The following PIP5K1C variants were observed in gnomAD, a reference collection of about 807,000 sequenced individuals.
The protein encoded by PIP5K1C is phosphatidylinositol-4-phosphate 5-kinase type 1 gamma, also known as phosphatidylinositol 4-phosphate 5-kinase type-1 gamma.
Under a neutral mutation model 80.1 loss-of-function variants are expected in PIP5K1C, and 45 were observed. The ratio of observed to expected loss-of-function variants is 0.56; its 90% CI spans 0.44 to 0.72. The LOEUF (loss-of-function observed/expected upper bound fraction) is 0.72. Ranked by LOEUF, PIP5K1C falls within the 30% of genes least tolerant of loss-of-function variation. The probability of loss-of-function intolerance (pLI) is 0.00; values close to 1 mark genes in which losing one functional copy is unlikely to be tolerated. For missense variants in PIP5K1C, 753 were observed against 954.6 expected (o/e 0.79, Z 2.78); for synonymous variants, 498 against 420.1 (o/e 1.19, Z -2.27).
Position 3,697,228 on chromosome 19 carries a change from G to GGAGGACC in PIP5K1C, c.94+3062_94+3068dup, listed in dbSNP as rs564130241. Among the ~76,000 whole-genome samples the GGAGGACC allele has an allele frequency of 3.9e-5, 6 of 151,968 alleles. No individual in the cohort carries two copies. In the South Asian group the frequency reaches 1.3e-3, roughly 32 times the overall value. ...ATGGAGGAGGACTAAGCTGGACCGG[G>GGAGGACC]GAGGACCGAGCTGGACCCGGGAGGA... On this transcript the variant is annotated intron_variant, in intron 1 of 17. Transcript: ENST00000335312.
At chr19:3,672,940 TGAAGCTGGGGACTGG>T (rs1331941684) in intron 1 of PIP5K1C, among the ~76,000 whole-genome samples, 2 of 66,118 alleles carry the variant, frequency 3.0e-5, no homozygotes, top group Non-Finnish European at 2.8e-5. Context: ...CCCAGGATGA[TGAAGCTGGGGACTGG>T]GGGGCTGGGG....
chr19:3,700,379 C>T lies in PIP5K1C; in HGVS notation c.12G>A (p.Glu4=). 1 of 1,211,494 alleles carries T rather than the reference C, an allele frequency of 8.3e-7. No homozygotes were observed. The highest frequency in any genetic ancestry group is 1.0e-6 in the Non-Finnish European group (1 of 959,854). 75.0% of individuals were successfully genotyped at this position (1,211,494 alleles called of 1,614,324 possible). ...CAGCGCTCTCCGCCTCGTCCGGTACCTCCAGCTCCATGGCCGCGCGCGGAC... is the reference window on the plus strand; with the variant it reads ...CAGCGCTCTCCGCCTCGTCCGGTACTTCCAGCTCCATGGCCGCGCGCGGAC... MEL[E]VPDEAESAEA... Residue 4 remains glutamate, a synonymous_variant, in exon 1 of 18, where the codon GAG becomes GAA. Coordinates refer to ENST00000335312, the MANE Select transcript of PIP5K1C (RefSeq NM_012398.3).
At chr19:3,650,429 C>G (rs11668596) in intron 8 of PIP5K1C, among the ~76,000 whole-genome samples, 2 of 152,336 alleles carry the variant, frequency 1.3e-5, no homozygotes, top group East Asian at 3.9e-4. Context: ...CACTGCTATA[C>G]GACACCTGTC....
intron 3 of PIP5K1C, among the ~76,000 whole-genome samples, chr19:3,663,245 G>A (rs1382330324): frequency 6.6e-6 from 1 of 152,188 alleles, no homozygotes; most frequent in Non-Finnish European, 1.5e-5. Flanking sequence ...TTTAGCCCTG[G>A]GAAGCCGGCT....
Position 3,653,651 on chromosome 19 carries a change from A to C in PIP5K1C, c.622-62T>G, listed in dbSNP as rs1599971969. On this transcript the variant is annotated intron_variant, in intron 6 of 17. Coordinates refer to ENST00000335312, the MANE Select transcript of PIP5K1C (RefSeq NM_012398.3). ...GGGCCACAGACTCACGGGGGCGGGC[A>C]AAGCAGGCCTCTGCCTCAGGGGGCT... The C allele has an allele frequency of 2.0e-6, 3 of 1,485,610 alleles. 1 individual carries two copies. The East Asian group carries it at 6.9e-5, about 34-fold the overall frequency. The allele number at this position is 1,485,610 out of a possible 1,614,324, so 92.0% of individuals were successfully genotyped here. A position where few individuals can be genotyped will look rare whatever the true frequency, so the allele number is the denominator to read the frequency against.
intron 6 of PIP5K1C, 145 bp downstream of exon 6, chr19:3,656,260 C>A (rs565764735): frequency 6.4e-5 from 54 of 850,118 alleles, no homozygotes; most frequent in South Asian, 4.3e-4. Flanking sequence ...GGGGGACCCC[C>A]GAGGGTGAGT....
chr19:3,663,726 C>T (rs1321207813), intron 3 of PIP5K1C, among the ~76,000 whole-genome samples: 1 of 152,232 alleles, frequency 6.6e-6, no homozygotes, highest in African/African-American at 2.4e-5. Context: ...AGACAACAAT[C>T]ACGAGTGCTG....
chr19:3,640,458 G>A (rs2033913659), intron 15 of PIP5K1C, among the ~76,000 whole-genome samples: 1 of 152,160 alleles, frequency 6.6e-6, no homozygotes, highest in African/African-American at 2.4e-5. Context: ...GGAGGTTGCA[G>A]TGAGCCGAAA....
rs553767106 is a variant in PIP5K1C, at chr19:3,666,390, G to T, written c.126+932C>A. ...GGGGCTGGCAGAAGCTGCAAAGGCA[G>T]GGCCAACGTGCAGAGAAAGCTCTCG... On this transcript the variant is annotated intron_variant, in intron 2 of 17. Coordinates refer to ENST00000335312, the MANE Select transcript of PIP5K1C (RefSeq NM_012398.3). Among the ~76,000 whole-genome samples the T allele has an allele frequency of 2.0e-5, 3 of 152,390 alleles. No homozygotes were observed. In the South Asian group the frequency reaches 6.2e-4, roughly 32 times the overall value.
Position 3,647,257 on chromosome 19 carries a change from G to A in PIP5K1C, c.1260+81C>T, listed in dbSNP as rs1348901898. 34 of 1,235,590 alleles carry A rather than the reference G, an allele frequency of 2.8e-5. No homozygotes were observed. The African/African-American group carries it at 4.9e-4, about 18-fold the overall frequency. 76.5% of individuals were successfully genotyped at this position (1,235,590 alleles called of 1,614,324 possible). On this transcript the variant is annotated intron_variant, in intron 10 of 17. Coordinates refer to ENST00000335312, the MANE Select transcript of PIP5K1C (RefSeq NM_012398.3). The stretch of plus-strand genomic sequence containing the variant: ...GAGGGTGCAGGCACTCACAGAGGGA[G>A]GAGGGATGGGAGGAGGGTGCAGGCA...
intron 7 of PIP5K1C, 54 bp from the exon 8 acceptor site, chr19:3,652,085 A>G: frequency 1.9e-6 from 3 of 1,553,532 alleles, no homozygotes; most frequent in Non-Finnish European, 8.9e-7. Flanking sequence ...TATCCCCCAC[A>G]ACGGCTCCCG....
At chr19:3,654,340 T>G (rs1201414672) in intron 6 of PIP5K1C, among the ~76,000 whole-genome samples, 2 of 152,092 alleles carry the variant, frequency 1.3e-5, no homozygotes, top group Non-Finnish European at 2.9e-5. Flanking sequence ...AGCCTCTCAA[T>G]GACGAACCCA....
rs2033512693 is a variant in PIP5K1C at position 3,632,990 on chromosome 19, G to A, written c.*177C>T. ...CTGCCGACCGGGGTGCCGGGGCCCT[G>A]GGAGGCTTGTCGGGGAGGGGCCCGG... On this transcript the variant is annotated 3_prime_UTR_variant, in exon 18 of 18. Coordinates refer to ENST00000335312, the MANE Select transcript of PIP5K1C (RefSeq NM_012398.3). 2 of 534,870 alleles carry A rather than the reference G, an allele frequency of 3.7e-6. No individual in the cohort carries two copies. Among genetic ancestry groups the A allele is most frequent in the East Asian group, 6.5e-5 (2 of 30,820 alleles). The allele number at this position is 534,870 out of a possible 1,614,324, so 33.1% of individuals were successfully genotyped here.
intron 16 of PIP5K1C, chr19:3,636,636 T>C (rs2033698733): frequency 1.0e-6 from 1 of 985,708 alleles, no homozygotes; most frequent in Non-Finnish European, 1.2e-6. Context: ...GGCTTCCCGC[T>C]GGCTCCGTGG....
intron 3 of PIP5K1C, 66 bp from the exon 4 acceptor site, chr19:3,662,067 C>A: frequency 6.6e-7 from 1 of 1,518,846 alleles, no homozygotes; most frequent in Non-Finnish European, 8.8e-7. Flanking sequence ...CCCCTGTGTG[C>A]ACCGGGGGGT....
At chr19:3,663,441 C>A (rs904706857) in intron 3 of PIP5K1C, among the ~76,000 whole-genome samples, 1 of 152,170 alleles carries the variant, frequency 6.6e-6, no homozygotes, top group African/African-American at 2.4e-5. Flanking sequence ...ATGCCACGGA[C>A]AGAACAGACA....
At chr19:3,635,853 G>A (rs191185736) in intron 16 of PIP5K1C, among the ~76,000 whole-genome samples, 71 of 152,324 alleles carry the variant, frequency 4.7e-4, no homozygotes, top group Admixed American at 1.6e-3. Context: ...GATGGCGGGC[G>A]CCTGTAGTCC....
intron 15 of PIP5K1C, among the ~76,000 whole-genome samples, chr19:3,639,242 C>T (rs1401466805): frequency 1.3e-5 from 2 of 152,192 alleles, no homozygotes; most frequent in Non-Finnish European, 2.9e-5. Flanking sequence ...TGGAGTGACC[C>T]GCCAGCCCGC....
rs577944383 is a variant in PIP5K1C at position 3,692,038 on chromosome 19, G to A, written c.94+8259C>T. ...ACCGTGGCCAGTCCAAGCACCGCAC[G>A]GGAAGGGTGCACAGTGGGAGCTGCC... On this transcript the variant is annotated intron_variant, in intron 1 of 17. Coordinates refer to ENST00000335312, the MANE Select transcript of PIP5K1C (RefSeq NM_012398.3). The surrounding 1 kb of genome is among the most constrained non-coding windows in gnomAD (Gnocchi z 5.2). Among the ~76,000 whole-genome samples the A allele has an allele frequency of 2.1e-4, 32 of 152,280 alleles. No individual in the cohort carries two copies. In the Middle Eastern group the frequency reaches 0.017, roughly 81 times the overall value.
Sources: allele counts gnomAD v4.1 joint callset (sites outside exome capture counted in the v4.1 genomes callset), GRCh38; gene constraint gnomAD v4.1.1; non-coding constraint Gnocchi (gnomAD v3.1); transcripts MANE v1.5; gene names NCBI Gene and HGNC (gene_info 2026-07-23, HGNC 2026-07-21).